The following PRKAR1A variants were observed in gnomAD, a reference collection of about 807,000 sequenced individuals.
The protein encoded by PRKAR1A is protein kinase cAMP-dependent type I regulatory subunit alpha, also known as cAMP-dependent protein kinase type I-alpha regulatory subunit.
Under a neutral mutation model 52.0 loss-of-function variants are expected in PRKAR1A, and 3 were observed. The observed-to-expected ratio is 0.06, with a 90% CI of 0.03 to 0.15. The LOEUF is 0.15. PRKAR1A is among the 10% of genes least tolerant of loss of function. The pLI, the probability that PRKAR1A is intolerant of heterozygous loss-of-function variation, is 1.00. For missense variants in PRKAR1A, 240 were observed against 477.4 expected (o/e 0.50, Z 4.63); for synonymous variants, 188 against 168.4 (o/e 1.12, Z -0.90).
At chr17:68,551,239 T>C (rs2086820933) in exon 12 of PRKAR1A, 2 of 822,734 alleles carry the variant, frequency 2.4e-6, no homozygotes, top group Non-Finnish European at 3.3e-6. Flanking sequence ...ATTATTTCAC[T>C]CATCTCTATG....
the PRKAR1A span, among the ~76,000 whole-genome samples, chr17:68,470,494 G>A: frequency 6.6e-6 from 1 of 152,216 alleles, no homozygotes; most frequent in African/African-American, 2.4e-5. Flanking sequence ...TTAGTGGAGA[G>A]GAATATTTTT....
intron 8 of PRKAR1A, 27 bp from the exon 9 acceptor site, chr17:68,528,843 G>A (rs377507781): frequency 1.2e-6 from 2 of 1,612,142 alleles, no homozygotes; most frequent in Non-Finnish European, 1.7e-6. Context: ...ATAATACAGA[G>A]CAGTTATTTT....
At chr17:68,496,193 C>T in the PRKAR1A span, among the ~76,000 whole-genome samples, 1 of 146,970 alleles carries the variant, frequency 6.8e-6, no homozygotes, top group African/African-American at 2.5e-5. Context: ...AGGCGTGTAC[C>T]ACCACGCCTG....
At chr17:68,508,306 G>A (rs543792825), upstream of PRKAR1A, among the ~76,000 whole-genome samples, 19 of 152,318 alleles carry the variant, frequency 1.2e-4, no homozygotes, top group Non-Finnish European at 2.4e-4. Flanking sequence ...TGGTAGTCTG[G>A]ATAAAGAAAA....
At chr17:68,471,502 G>T in the PRKAR1A span, among the ~76,000 whole-genome samples, 4 of 152,130 alleles carry the variant, frequency 2.6e-5, no homozygotes, top group African/African-American at 4.8e-5. Flanking sequence ...GAACCATCCA[G>T]CCATGTGTAA....
the PRKAR1A span, chr17:68,422,877 T>C: frequency 6.6e-6 from 1 of 151,798 alleles, no homozygotes; most frequent in Non-Finnish European, 1.5e-5. Flanking sequence ...AAGCTTCTCA[T>C]CCTCCCGAAT....
downstream of PRKAR1A, chr17:68,535,660 T>A: frequency 2.2e-6 from 1 of 447,536 alleles, no homozygotes. Context: ...AGAGTTGATT[T>A]AAAAAAAAAT....
At chr17:68,489,229 TGG>T in the PRKAR1A span, among the ~76,000 whole-genome samples, 29 of 27,152 alleles carry the variant, frequency 1.1e-3, no homozygotes, top group Non-Finnish European at 1.5e-3. Flanking sequence ...TATATATATA[TGG>T]AAAGTATATA....
At chr17:68,450,793 T>C in the PRKAR1A span, 1 of 1,614,062 alleles carries the variant, frequency 6.2e-7, no homozygotes, top group Non-Finnish European at 8.5e-7. Context: ...TCTGTGCCTT[T>C]CTTGAAGTGA....
chr17:68,482,547 G>C, the PRKAR1A span, among the ~76,000 whole-genome samples: 3 of 152,104 alleles, frequency 2.0e-5, no homozygotes, highest in African/African-American at 7.2e-5. Flanking sequence ...AAGACATTTA[G>C]GATTTTAAAA....
intron 11 of PRKAR1A, chr17:68,541,797 A>G: frequency 1.5e-6 from 1 of 649,304 alleles, no homozygotes; most frequent in Non-Finnish European, 2.6e-6. Context: ...AAGGTTCTTT[A>G]GAACTGAATA....
chr17:68,503,180 A>G, the PRKAR1A span, among the ~76,000 whole-genome samples: 21 of 152,374 alleles, frequency 1.4e-4, no homozygotes, highest in South Asian at 4.1e-3. Context: ...CTACACATTT[A>G]ACAGGATGCC....
At chr17:68,537,616 A>G, downstream of PRKAR1A, 3 of 1,613,776 alleles carry the variant, frequency 1.9e-6, no homozygotes, top group Non-Finnish European at 1.7e-6. This position sits in a 1 kb window ranked among gnomAD's most constrained non-coding sequence, Gnocchi z 4.2. Context: ...ATCCAGGGCA[A>G]GGAGGTGGGG....
the PRKAR1A span, among the ~76,000 whole-genome samples, chr17:68,419,041 G>A: frequency 2.0e-5 from 3 of 146,776 alleles, no homozygotes; most frequent in African/African-American, 7.5e-5. Flanking sequence ...AAAAGTCATC[G>A]GAATCATAAA....
chr17:68,435,769 C>T, the PRKAR1A span: 1 of 1,480,086 alleles, frequency 6.8e-7, no homozygotes, highest in Non-Finnish European at 9.4e-7. Flanking sequence ...AGATGGATTT[C>T]ACCTCCCTCC....
upstream of PRKAR1A, among the ~76,000 whole-genome samples, chr17:68,510,923 G>A (rs969099377): frequency 2.6e-5 from 4 of 152,102 alleles, no homozygotes; most frequent in African/African-American, 9.7e-5. Flanking sequence ...CGAGGGCAGC[G>A]CTGCCCAATA....
rs147636224 is a variant in PRKAR1A, at chr17:68,539,383, A to C, written c.973+9382A>C. ...GAGAGGATGGAGATTTCATCATGGG[A>C]GTGTCGTCCGAACCTAGGAGGAGAA... On this transcript the variant is annotated intron_variant, in intron 11 of 11. Coordinates refer to the PRKAR1A transcript ENST00000585981. 9 of 1,614,070 alleles carry C rather than the reference A, an allele frequency of 5.6e-6. No individual in the cohort carries two copies. The African/African-American group carries it at 8.0e-5, about 14-fold the overall frequency.
At chr17:68,502,755 GAAAAAAAAAAAA>G in the PRKAR1A span, among the ~76,000 whole-genome samples, 3,952 of 86,414 alleles carry the variant, frequency 0.046, 210 homozygotes, top group African/African-American at 0.17. Flanking sequence ...TTCATCTCAG[GAAAAAAAAAAAA>G]AAAAAAAAAA....
At chr17:68,535,247 T>A, downstream of PRKAR1A, 2 of 451,378 alleles carry the variant, frequency 4.4e-6, no homozygotes, top group Non-Finnish European at 8.9e-6. Flanking sequence ...TTGTTACTAA[T>A]CAAAAAGTAA....
Sources: allele counts gnomAD v4.1 joint callset (sites outside exome capture counted in the v4.1 genomes callset), GRCh38; gene constraint gnomAD v4.1.1; non-coding constraint Gnocchi (gnomAD v3.1); transcripts MANE v1.5; gene names NCBI Gene and HGNC (gene_info 2026-07-23, HGNC 2026-07-21).